Variants in ERICH1 observed in about 807,000 individuals in gnomAD.
The protein encoded by ERICH1 is glutamate rich 1.
In ERICH1, 56 loss-of-function variants were observed where a neutral mutation model predicts 39.6. That is an observed-to-expected ratio of 1.41 (90% CI 1.14 to 1.77). The LOEUF is 1.77. Among genes scored for constraint, ERICH1 ranks in the 40% most tolerant of loss-of-function variants. ERICH1 has a pLI of 0.00. For synonymous variants in ERICH1, 313 were observed against 223.6 expected, an observed-to-expected ratio of 1.40 and a Z score of -3.57; for missense variants, 826 against 575.4, an observed-to-expected ratio of 1.44 and a Z score of -4.45.
At chr8:650,265 C>A (rs1052166633) in intron 3 of ERICH1, among the ~76,000 whole-genome samples, 2 of 152,172 alleles carry the variant, frequency 1.3e-5, no homozygotes, top group South Asian at 2.1e-4. Flanking sequence ...GCACTCTGTC[C>A]CCGGGGTCTG....
chr8:641,567 C>A (rs1334435506), intron 3 of ERICH1, among the ~76,000 whole-genome samples: 1 of 152,210 alleles, frequency 6.6e-6, no homozygotes, highest in South Asian at 2.1e-4. Flanking sequence ...ATCGAAAGAC[C>A]TTTTCACACA....
chr8:718,643 G>A (rs999047892), intron 1 of ERICH1, among the ~76,000 whole-genome samples: 3 of 152,210 alleles, frequency 2.0e-5, no homozygotes, highest in African/African-American at 7.2e-5. Context: ...ACATGGCAGA[G>A]GCCACCCTGG....
chr8:651,101 G>C (rs1273921556), intron 3 of ERICH1, among the ~76,000 whole-genome samples: 1 of 152,220 alleles, frequency 6.6e-6, no homozygotes, highest in African/African-American at 2.4e-5. Context: ...CACACATCTT[G>C]CCATGGCTTG....
intron 3 of ERICH1, among the ~76,000 whole-genome samples, chr8:685,526 T>C (rs975674191): frequency 6.6e-5 from 10 of 152,196 alleles, no homozygotes; most frequent in Admixed American, 2.0e-4. Flanking sequence ...AGAGTATTGA[T>C]TGGGGAAGTG....
At chr8:652,457 G>A (rs1422517123) in intron 3 of ERICH1, among the ~76,000 whole-genome samples, 1 of 152,242 alleles carries the variant, frequency 6.6e-6, no homozygotes, top group Admixed American at 6.5e-5. Context: ...GGAACGGAGT[G>A]GAGTTGATAT....
chr8:683,085 G>C (rs1382376150), intron 3 of ERICH1, among the ~76,000 whole-genome samples: 3 of 152,180 alleles, frequency 2.0e-5, no homozygotes, highest in African/African-American at 7.2e-5. Context: ...TACTCATTTA[G>C]CCAAGGAAAC....
At chr8:720,035 C>G (rs931870446) in intron 1 of ERICH1, among the ~76,000 whole-genome samples, 1 of 152,126 alleles carries the variant, frequency 6.6e-6, no homozygotes, top group Non-Finnish European at 1.5e-5. Flanking sequence ...AGAAGACCAA[C>G]ATTTAGAAAG....
At position 668,630 on chromosome 8, in the gene ERICH1, TC is replaced by T. The variant is rs1563211878; in HGVS notation, c.1225del (p.Glu409LysfsTer16). ...QDTERLKHAL[E>X]MFPEHCTMPP... Reference sequence around the variant, plus strand: ...CATCGTGCAATGTTCTGGGAACATTTCCAGAGCATGCTTCAATCTCTCAGTA... The same window carrying T: ...CATCGTGCAATGTTCTGGGAACATTTCAGAGCATGCTTCAATCTCTCAGTA... On this transcript the variant is annotated frameshift_variant, in exon 5 of 6. Coordinates refer to ENST00000262109, the MANE Select transcript of ERICH1 (RefSeq NM_207332.3). LOFTEE classifies it high-confidence loss of function. 6.2e-7 allele frequency: 1 copy of T among 1,614,204 alleles called. No homozygotes were observed. Among genetic ancestry groups the T allele is most frequent in the African/African-American group, 1.3e-5 (1 of 75,058 alleles).
chr8:699,853 ACACGCGCACAGACCC>A, intron 2 of ERICH1, among the ~76,000 whole-genome samples: 2 of 108,758 alleles, frequency 1.8e-5, no homozygotes, highest in Admixed American at 1.0e-4. Context: ...ACAGACCCGC[ACACGCGCACAGACCC>A]TCACAGGCGC....
intron 2 of ERICH1, among the ~76,000 whole-genome samples, chr8:702,504 G>A (rs888064684): frequency 1.3e-5 from 2 of 152,146 alleles, no homozygotes; most frequent in African/African-American, 2.4e-5. Context: ...GAAAACACAG[G>A]AGCAGGCACC....
chr8:700,198 GGCCGGCACAGGCGCACAC>G (rs1479533883), intron 2 of ERICH1, among the ~76,000 whole-genome samples: 78 of 101,134 alleles, frequency 7.7e-4, no homozygotes, highest in Non-Finnish European at 1.1e-3. Flanking sequence ...CACGCGCACA[GGCCGGCACAGGCGCACAC>G]ACCCGCACAC....
At chr8:629,672 G>A (rs1435726071) in intron 3 of ERICH1, among the ~76,000 whole-genome samples, 1 of 137,470 alleles carries the variant, frequency 7.3e-6, no homozygotes, top group Non-Finnish European at 1.5e-5. Flanking sequence ...CACCCACAGA[G>A]ACAGAGCTGA....
intron 1 of ERICH1, among the ~76,000 whole-genome samples, chr8:726,956 CAT>C (rs1225460542): frequency 0.014 from 1,915 of 137,136 alleles, 61 homozygotes; most frequent in African/African-American, 0.066. Context: ...CACACAGGCA[CAT>C]ACACATGCAC....
intron 5 of ERICH1, chr8:667,783 G>C (rs1802499671): frequency 6.6e-6 from 1 of 152,592 alleles, no homozygotes; most frequent in South Asian, 2.1e-4. Flanking sequence ...TAACATGCTG[G>C]TCTTGACCCC....
chr8:673,964 G>T lies in ERICH1; in HGVS notation c.388C>A (p.Leu130Ile). 1 of 1,599,850 alleles carries T rather than the reference G, an allele frequency of 6.3e-7. No individual in the cohort carries two copies. Among genetic ancestry groups the T allele is most frequent in the Non-Finnish European group, 8.5e-7 (1 of 1,177,370 alleles). ...TTCTCTAATTCTGCTTGTTCTATAA[G>T]AACATTATTGGGATTTTTAAATTTT... ...KKKFKNPNNV[L>I]IEQAELEKQQ... The change falls in exon 4 of 6, where the codon CTT (leucine) becomes ATT (isoleucine). Residue 130 changes from leucine to isoleucine, a missense_variant. By Grantham distance (5) the Leu-to-Ile change is conservative (BLOSUM62 2). Transcript: ENST00000262109.
chr8:630,532 G>A (rs1430958727), intron 3 of ERICH1, among the ~76,000 whole-genome samples: 2 of 111,454 alleles, frequency 1.8e-5, no homozygotes, highest in East Asian at 2.8e-4. Context: ...ACACCCTCCC[G>A]TGAGCACCCA....
chr8:729,298 C>T (rs552233691), intron 1 of ERICH1, among the ~76,000 whole-genome samples: 256 of 152,334 alleles, frequency 1.7e-3, no homozygotes, highest in African/African-American at 6.1e-3. Flanking sequence ...AACAACAGCG[C>T]CCAACCCCCA....
At chr8:630,411 T>G (rs1444563994) in intron 3 of ERICH1, among the ~76,000 whole-genome samples, 1 of 137,934 alleles carries the variant, frequency 7.2e-6, no homozygotes, top group Admixed American at 7.2e-5. Flanking sequence ...ACTCACACCC[T>G]CCTGTGACCA....
chr8:671,292 C>A (rs941484586), intron 4 of ERICH1, among the ~76,000 whole-genome samples: 1 of 149,986 alleles, frequency 6.7e-6, no homozygotes, highest in African/African-American at 2.5e-5. Context: ...GGTCCCCAGG[C>A]TCCGACCTCT....
Sources: gnomAD v4.1 joint callset for allele counts (sites outside exome capture counted in the v4.1 genomes callset) on GRCh38, gnomAD v4.1.1 for gene constraint, MANE v1.5 for transcripts, NCBI Gene and HGNC (gene_info 2026-07-23, HGNC 2026-07-21) for gene names.